The following SEC22C variants were observed in gnomAD, a reference collection of about 807,000 sequenced individuals.
SEC22C encodes the protein vesicle-trafficking protein SEC22c.
SEC22C carries 29 observed loss-of-function variants against 34.7 expected under a neutral mutation model. That is an observed-to-expected ratio of 0.84 (90% confidence interval 0.62 to 1.14). The LOEUF (loss-of-function observed/expected upper bound fraction) is 1.14, where lower values mean the gene tolerates loss of function less well. Ranked by LOEUF, SEC22C falls within the 50% of genes most tolerant of loss-of-function variation. The pLI is 0.00. For missense variants in SEC22C, 337 were observed against 369.0 expected, an observed-to-expected ratio of 0.91 and a Z score of 0.71; for synonymous variants, 117 against 132.8, an observed-to-expected ratio of 0.88 and a Z score of 0.82.
At chr3:42,578,215 A>C (rs916816924) in intron 1 of SEC22C, among the ~76,000 whole-genome samples, 7 of 152,240 alleles carry the variant, frequency 4.6e-5, no homozygotes, top group African/African-American at 1.7e-4. Context: ...ATTCCATGGA[A>C]TACTACTCAG....
intron 1 of SEC22C, among the ~76,000 whole-genome samples, chr3:42,575,698 CA>C: frequency 6.6e-6 from 1 of 152,224 alleles, no homozygotes; most frequent in Non-Finnish European, 1.5e-5. Flanking sequence ...AACTGCACCT[CA>C]AAAATTGATA....
chr3:42,548,814 G>A lies in SEC22C; in HGVS notation c.*4434C>T. On this transcript the variant is annotated 3_prime_UTR_variant, in exon 7 of 7. Transcript: ENST00000264454. The stretch of plus-strand genomic sequence containing the variant: ...AAATGCCTTTTTGTAAAGGCCAGAA[G>A]AAATGGCTGTGCTGTGCTGCCTGAA... 2 of 1,455,644 alleles carry A rather than the reference G, an allele frequency of 1.4e-6. No homozygotes were observed. Among genetic ancestry groups the A allele is most frequent in the Non-Finnish European group, 1.8e-6 (2 of 1,102,310 alleles). The allele number at this position is 1,455,644 out of a possible 1,614,324, so 90.2% of individuals were successfully genotyped here. A position where few individuals can be genotyped will look rare whatever the true frequency, so the allele number is the denominator to read the frequency against.
At chr3:42,570,218 TCTTCA>T (rs1380938139) in intron 1 of SEC22C, among the ~76,000 whole-genome samples, 2 of 152,174 alleles carry the variant, frequency 1.3e-5, no homozygotes, top group African/African-American at 4.8e-5. Flanking sequence ...CTCTATGCAT[TCTTCA>T]CTTGTGTCTG....
At chr3:42,595,793 T>A (rs1245666997) in intron 1 of SEC22C, among the ~76,000 whole-genome samples, 1 of 152,156 alleles carries the variant, frequency 6.6e-6, no homozygotes. Context: ...TACATGTAAA[T>A]AGTGAAGAGA....
chr3:42,600,956 T>C, intron 1 of SEC22C: 1 of 1,358,824 alleles, frequency 7.4e-7, no homozygotes, highest in Non-Finnish European at 1.0e-6. Flanking sequence ...GCCCCTGCCC[T>C]GACCGCTTTT....
In SEC22C at chr3:42,554,335, T is replaced by C. The variant is rs547420156; in HGVS notation, c.712-887A>G. On this transcript the variant is annotated intron_variant, in intron 6 of 6. Transcript: ENST00000264454. ...CATGGGTTGAAAATTTCTTTTTGCA[T>C]AATCAGGTAATGCTTTTTCATTTTT... 3.3e-5 allele frequency among the ~76,000 whole-genome samples: 5 copies of C among 152,348 alleles called. No homozygotes were observed. The South Asian group carries it at 1.0e-3, about 32-fold the overall frequency.
At position 42,591,342 on chromosome 3, in the gene SEC22C, G is replaced by C. The variant is rs115939131; in HGVS notation, c.-28+9618C>G. ...GCCTCCTGAGTAGCTGGGATTACAG[G>C]AGCGCGACGCCACTCCCGGCTAATT... On this transcript the variant is annotated intron_variant, in intron 1 of 6. Transcript: ENST00000417572. The C allele has an allele frequency of 1.7e-3, 999 of 602,718 alleles. 4 individuals are homozygous for C. Among genetic ancestry groups the C allele is most frequent in the African/African-American group, 0.016 (841 of 53,854 alleles). 37.3% of individuals were successfully genotyped at this position (602,718 alleles called of 1,614,324 possible). A position where few individuals can be genotyped will look rare whatever the true frequency, so the allele number is the denominator to read the frequency against.
upstream of SEC22C, among the ~76,000 whole-genome samples, chr3:42,586,191 C>T (rs552570934): frequency 6.6e-6 from 1 of 152,260 alleles, no homozygotes; most frequent in African/African-American, 2.4e-5. Flanking sequence ...ACTGAAAATG[C>T]CCTCCTCAAA....
chr3:42,595,122 T>C (rs1385839700), intron 1 of SEC22C: 1 of 152,210 alleles, frequency 6.6e-6, no homozygotes, highest in Non-Finnish European at 1.5e-5. Flanking sequence ...AAATGAATAG[T>C]GATTTCTAAT....
chr3:42,598,013 T>C (rs1244205485), intron 1 of SEC22C, among the ~76,000 whole-genome samples: 4 of 152,238 alleles, frequency 2.6e-5, no homozygotes, highest in African/African-American at 7.2e-5. Flanking sequence ...GAAAACAGTA[T>C]GGTAATTCCT....
At position 42,552,366 on chromosome 3, in the gene SEC22C, A is replaced by G; in HGVS notation, c.*882T>C. ...CTCTACTGAAAAGGCTGATGACAGC[A>G]GCCCCTCCCAAGCGGATCTGTAAAG... On this transcript the variant is annotated 3_prime_UTR_variant, in exon 7 of 7. Transcript: ENST00000264454. 1.0e-6 allele frequency: 1 copy of G among 985,440 alleles called. No individual in the cohort carries two copies. Among genetic ancestry groups the G allele is most frequent in the East Asian group, 1.1e-4 (1 of 8,818 alleles). 61.0% of individuals were successfully genotyped at this position (985,440 alleles called of 1,614,324 possible).
chr3:42,553,140 G>A lies in SEC22C; in HGVS notation c.*108C>T, dbSNP rs1702327007. 2.0e-6 allele frequency: 3 copies of A among 1,496,372 alleles called. No homozygotes were observed. Among genetic ancestry groups the A allele is most frequent in the Middle Eastern group, 2.5e-4 (1 of 4,024 alleles). The allele number at this position is 1,496,372 out of a possible 1,614,324, so 92.7% of individuals were successfully genotyped here. A position where few individuals can be genotyped will look rare whatever the true frequency, so the allele number is the denominator to read the frequency against. On this transcript the variant is annotated 3_prime_UTR_variant, in exon 7 of 7. Transcript: ENST00000264454. ...CCCCAATTCCTGGTTTTTCAGTCCAGTTGGCTGAAAAGGATGGAAACTGGA... is the reference window on the plus strand; with the variant it reads ...CCCCAATTCCTGGTTTTTCAGTCCAATTGGCTGAAAAGGATGGAAACTGGA...
At chr3:42,590,985 G>A (rs751815338) in intron 1 of SEC22C, 12 of 1,545,156 alleles carry the variant, frequency 7.8e-6, no homozygotes, top group East Asian at 2.4e-5. Context: ...CCACGCGGGC[G>A]GGCGGGCGGG....
chr3:42,550,142 C>A lies in SEC22C; in HGVS notation c.*3106G>T. 3 of 985,464 alleles carry A rather than the reference C, an allele frequency of 3.0e-6. No individual in the cohort carries two copies. Among genetic ancestry groups the A allele is most frequent in the Non-Finnish European group, 3.6e-6 (3 of 829,946 alleles). The allele number at this position is 985,464 out of a possible 1,614,324, so 61.0% of individuals were successfully genotyped here. On this transcript the variant is annotated 3_prime_UTR_variant, in exon 7 of 7. Coordinates refer to ENST00000264454, the MANE Select transcript of SEC22C (RefSeq NM_032970.4). The stretch of plus-strand genomic sequence containing the variant: ...GGAAACCCTTCCTAAGAGCATGGAG[C>A]CACACTCTGGCCTTGATACAGTAGA...
At chr3:42,556,076 T>A in intron 5 of SEC22C, 81 bp from the exon 6 acceptor site, 1 of 1,063,612 alleles carries the variant, frequency 9.4e-7, no homozygotes, top group Admixed American at 2.1e-5. Flanking sequence ...TTACTCTGCC[T>A]TCTGTCTGGT....
intron 1 of SEC22C, among the ~76,000 whole-genome samples, chr3:42,576,928 G>C (rs1328372139): frequency 6.6e-6 from 1 of 152,120 alleles, no homozygotes; most frequent in African/African-American, 2.4e-5. Context: ...TGGAGGAATA[G>C]ACATAGATCA....
In SEC22C at chr3:42,552,163, T is replaced by C. The variant is rs1236324369; in HGVS notation, c.*1085A>G. 2 of 985,268 alleles carry C rather than the reference T, an allele frequency of 2.0e-6. No individual in the cohort carries two copies. The highest frequency in any genetic ancestry group is 1.1e-4 in the East Asian group (1 of 8,832). 61.0% of individuals were successfully genotyped at this position (985,268 alleles called of 1,614,324 possible). A position where few individuals can be genotyped will look rare whatever the true frequency, so the allele number is the denominator to read the frequency against. ...AACTTTCCAGAGTATGTGTTAATTA[T>C]ATCTCTATCAAGCTTTAAAAAGTTA... On this transcript the variant is annotated 3_prime_UTR_variant, in exon 7 of 7. Coordinates refer to ENST00000264454, the MANE Select transcript of SEC22C (RefSeq NM_032970.4).
In SEC22C at chr3:42,561,098, G is replaced by A. The variant is rs1404315972; in HGVS notation, c.526+19C>T. 8 of 1,604,996 alleles carry A rather than the reference G, an allele frequency of 5.0e-6. No homozygotes were observed. Among genetic ancestry groups the A allele is most frequent in the African/African-American group, 1.3e-5 (1 of 74,594 alleles). On this transcript the variant is annotated intron_variant, in intron 4 of 6. Transcript: ENST00000264454. ...CACAATATCACTTCATCAACATCAGGGAACAACAAGCCACTTACCAGGCTC... is the reference window on the plus strand; with the variant it reads ...CACAATATCACTTCATCAACATCAGAGAACAACAAGCCACTTACCAGGCTC...
chr3:42,576,617 T>C (rs1306277327), intron 1 of SEC22C, among the ~76,000 whole-genome samples: 1 of 151,974 alleles, frequency 6.6e-6, no homozygotes, highest in Non-Finnish European at 1.5e-5. Context: ...AAAATATTCC[T>C]GAAATCAAAG....
Sources: gnomAD v4.1 joint callset for allele counts (sites outside exome capture counted in the v4.1 genomes callset) on GRCh38, gnomAD v4.1.1 for gene constraint, MANE v1.5 for transcripts, NCBI Gene and HGNC (gene_info 2026-07-23, HGNC 2026-07-21) for gene names.